GAS7: variants seen among roughly 807,000 people sequenced by gnomAD.
GAS7 encodes growth arrest-specific protein 7.
Under a neutral mutation model 71.1 loss-of-function variants are expected in GAS7, and 28 were observed. That is an observed-to-expected ratio of 0.39 (90% CI 0.29 to 0.54). The LOEUF is 0.54. Ranked by LOEUF, GAS7 falls within the 20% of genes least tolerant of loss-of-function variation. The pLI is 0.62. For missense variants in GAS7, 436 were observed against 627.8 expected (o/e 0.69, Z 3.27); for synonymous variants, 258 against 245.8 (o/e 1.05, Z -0.46).
intron 6 of GAS7, among the ~76,000 whole-genome samples, chr17:9,946,080 T>C (rs2068776474): frequency 6.6e-6 from 1 of 152,190 alleles, no homozygotes; most frequent in East Asian, 1.9e-4. Context: ...AAATGTACAA[T>C]TTAGTGGTTT....
At chr17:9,934,099 G>A in intron 9 of GAS7, 67 bp downstream of exon 9, 1 of 1,035,426 alleles carries the variant, frequency 9.7e-7, no homozygotes, top group Non-Finnish European at 1.5e-6. Context: ...TGGAGAGACA[G>A]TTGTTAACTA....
chr17:9,952,512 C>G (rs2069062802), intron 5 of GAS7, among the ~76,000 whole-genome samples: 1 of 152,164 alleles, frequency 6.6e-6, no homozygotes. Flanking sequence ...CTGCTTCAGC[C>G]TCGCGAGTAG....
intron 2 of GAS7, among the ~76,000 whole-genome samples, chr17:10,002,197 T>C (rs1386830903): frequency 6.6e-6 from 1 of 152,194 alleles, no homozygotes; most frequent in East Asian, 1.9e-4. Context: ...ATCAAGATAC[T>C]GGCAGGGTTG....
Position 9,926,521 on chromosome 17 carries a change from C to T in GAS7, c.1014+120G>A. 1 of 1,083,568 alleles carries T rather than the reference C, an allele frequency of 9.2e-7. No individual in the cohort carries two copies. The highest frequency in any genetic ancestry group is 1.4e-6 in the Non-Finnish European group (1 of 733,438). The allele number at this position is 1,083,568 out of a possible 1,614,324, so 67.1% of individuals were successfully genotyped here. A position where few individuals can be genotyped will look rare whatever the true frequency, so the allele number is the denominator to read the frequency against. On this transcript the variant is annotated intron_variant, in intron 10 of 13. Transcript: ENST00000432992. This position sits in a 1 kb window ranked among gnomAD's most constrained non-coding sequence, Gnocchi z 5.0. ...CACGAGGCTTGGACATCCCCCTATT[C>T]CCCTACCTGGGGACAAAGACTCAGC... is the stretch of plus-strand genomic sequence containing the variant.
intron 1 of GAS7, among the ~76,000 whole-genome samples, chr17:10,115,017 CTCTGTCTG>C (rs199625231): frequency 6.6e-6 from 1 of 152,176 alleles, no homozygotes; most frequent in Non-Finnish European, 1.5e-5. Context: ...CCAAGCTGTC[CTCTGTCTG>C]TCTGTCTGTC....
chr17:10,079,862 T>C lies in GAS7; in HGVS notation c.184-59965A>G, dbSNP rs186074074. Among the ~76,000 whole-genome samples, 315 of 152,074 alleles carry C rather than the reference T, an allele frequency of 2.1e-3. 3 individuals are homozygous for C. Among genetic ancestry groups the C allele is most frequent in the African/African-American group, 6.8e-3 (283 of 41,468 alleles). ...CAACATCAAATTTAAAGAAAAAAAA[T>C]ACACCACGCACAATGGCAACAAAAC... On this transcript the variant is annotated intron_variant, in intron 1 of 13. Transcript: ENST00000432992.
chr17:10,037,743 G>A (rs2152225602), intron 1 of GAS7, among the ~76,000 whole-genome samples: 1 of 151,280 alleles, frequency 6.6e-6, no homozygotes, highest in Admixed American at 6.6e-5. Context: ...AGGGGGTGGG[G>A]GTGGGGCATC....
intron 1 of GAS7, among the ~76,000 whole-genome samples, chr17:10,102,069 A>G (rs927610752): frequency 6.6e-6 from 1 of 152,142 alleles, no homozygotes; most frequent in African/African-American, 2.4e-5. Context: ...GTCATTGTTT[A>G]GCTCAGAGAT....
chr17:9,996,048 T>C (rs192677977), intron 2 of GAS7, among the ~76,000 whole-genome samples: 4 of 152,316 alleles, frequency 2.6e-5, no homozygotes, highest in Admixed American at 1.3e-4. Flanking sequence ...CATGAAGCAT[T>C]TGATGCTGGT....
chr17:10,092,752 G>T (rs1215816413), intron 1 of GAS7, among the ~76,000 whole-genome samples: 1 of 152,218 alleles, frequency 6.6e-6, no homozygotes, highest in Non-Finnish European at 1.5e-5. Flanking sequence ...GGGGAAAATT[G>T]TTCCTTGTCT....
intron 1 of GAS7, among the ~76,000 whole-genome samples, chr17:10,176,901 C>CA (rs1222460142): frequency 6.6e-6 from 1 of 152,160 alleles, no homozygotes; most frequent in Non-Finnish European, 1.5e-5. Flanking sequence ...AAGATGTCCC[C>CA]AGTTCTTAAG....
rs148576377 is a variant in GAS7, at chr17:9,937,252, T to C, written c.806+2874A>G. ...GTCTCTGTGTTTGTCCGGGCATGTG[T>C]GTACAGTATGGTAGTGTGGGCCTGA... is the stretch of plus-strand genomic sequence containing the variant. On this transcript the variant is annotated intron_variant, in intron 8 of 13. Transcript: ENST00000432992. Among the ~76,000 whole-genome samples the C allele has an allele frequency of 1.2e-4, 19 of 152,318 alleles. No individual in the cohort carries two copies. The East Asian group carries it at 3.5e-3, about 28-fold the overall frequency.
intron 1 of GAS7, among the ~76,000 whole-genome samples, chr17:10,119,966 T>G (rs1159760305): frequency 6.6e-6 from 1 of 152,108 alleles, no homozygotes; most frequent in Non-Finnish European, 1.5e-5. Context: ...CAAACCTGTT[T>G]GGCAGCTCAA....
intron 11 of GAS7, among the ~76,000 whole-genome samples, chr17:9,920,338 G>A (rs904282195): frequency 6.6e-6 from 1 of 152,064 alleles, no homozygotes; most frequent in South Asian, 2.1e-4. Flanking sequence ...AGGGTGAGTG[G>A]GCAGGAATCA....
chr17:9,944,890 A>G (rs1597503135), intron 6 of GAS7, among the ~76,000 whole-genome samples: 1 of 152,240 alleles, frequency 6.6e-6, no homozygotes, highest in Non-Finnish European at 1.5e-5. Flanking sequence ...AAAACCAGCC[A>G]GAAGAAACAG....
At chr17:10,145,526 G>A (rs1025419415) in intron 1 of GAS7, among the ~76,000 whole-genome samples, 1 of 152,210 alleles carries the variant, frequency 6.6e-6, no homozygotes, top group Non-Finnish European at 1.5e-5. Flanking sequence ...GGCCTGTCCT[G>A]GGCAACATTG....
intron 4 of GAS7, among the ~76,000 whole-genome samples, chr17:9,965,095 G>A (rs1016358842): frequency 6.6e-6 from 1 of 152,174 alleles, no homozygotes; most frequent in Non-Finnish European, 1.5e-5. Flanking sequence ...ACTAGGACGC[G>A]ATTCTGCAAA....
chr17:10,058,489 T>C (rs1459656612), intron 1 of GAS7, among the ~76,000 whole-genome samples: 2 of 152,002 alleles, frequency 1.3e-5, no homozygotes, highest in South Asian at 2.1e-4. Context: ...TTTGATGTTA[T>C]AGGAGAAGCC....
At chr17:10,121,147 G>A (rs1049328027) in intron 1 of GAS7, among the ~76,000 whole-genome samples, 5 of 152,172 alleles carry the variant, frequency 3.3e-5, no homozygotes, top group Admixed American at 2.0e-4. Context: ...TTGCGAGGCC[G>A]AGGAGGGTGG....
Sources: gnomAD v4.1 joint callset for allele counts (sites outside exome capture counted in the v4.1 genomes callset) on GRCh38, gnomAD v4.1.1 for gene constraint, Gnocchi (gnomAD v3.1) non-coding constraint, MANE v1.5 for transcripts, NCBI Gene and HGNC (gene_info 2026-07-23, HGNC 2026-07-21) for gene names.